The following TTC23 variants were observed in gnomAD, a reference collection of about 807,000 sequenced individuals.
TTC23 encodes tetratricopeptide repeat domain 23.
TTC23 carries 58 observed loss-of-function variants against 55.1 expected under a neutral mutation model. The observed-to-expected ratio is 1.05, with a 90% CI of 0.85 to 1.31. The LOEUF is 1.31. Among genes scored for constraint, TTC23 ranks in the 50% most tolerant of loss-of-function variants. The pLI, the probability that TTC23 is intolerant of heterozygous loss-of-function variation, is 0.00. For missense variants in TTC23, 516 were observed against 534.4 expected, an observed-to-expected ratio of 0.97 and a Z score of 0.34; for synonymous variants, 203 against 199.9, an observed-to-expected ratio of 1.02 and a Z score of -0.13.
chr15:99,240,212 C>T (rs550781522), intron 3 of TTC23, among the ~76,000 whole-genome samples: 2 of 152,306 alleles, frequency 1.3e-5, no homozygotes, highest in African/African-American at 4.8e-5. Context: ...GTAAGAGGCC[C>T]TGCAGTATTT....
At chr15:99,214,852 C>CTTTTTTTT in intron 8 of TTC23, among the ~76,000 whole-genome samples, 1 of 99,876 alleles carries the variant, frequency 1.0e-5, no homozygotes, top group Non-Finnish European at 1.9e-5. Context: ...TTCTTTTCTC[C>CTTTTTTTT]TTTTTTTTTT....
intron 9 of TTC23, among the ~76,000 whole-genome samples, chr15:99,198,375 C>T (rs1238560940): frequency 1.3e-5 from 2 of 152,208 alleles, no homozygotes; most frequent in African/African-American, 4.8e-5. Flanking sequence ...CTTTCCCCCA[C>T]ATCCAATCAA....
intron 12 of TTC23, among the ~76,000 whole-genome samples, chr15:99,152,240 G>GT (rs201002530): frequency 0.01 from 1,591 of 152,260 alleles, 29 homozygotes; most frequent in African/African-American, 0.037. Flanking sequence ...GCCTTCTGCC[G>GT]TAAGTAAAAG....
intron 3 of TTC23, among the ~76,000 whole-genome samples, chr15:99,237,170 C>T (rs564975428): frequency 5.3e-5 from 8 of 151,900 alleles, no homozygotes; most frequent in East Asian, 1.9e-4. Flanking sequence ...TTAGTAGAGA[C>T]GGGGTTTCAC....
At chr15:99,227,034 C>G (rs1223955) in intron 5 of TTC23, among the ~76,000 whole-genome samples, 2,297 of 152,276 alleles carry the variant, frequency 0.015, 48 homozygotes, top group African/African-American at 0.052. Context: ...TTGTTAAATG[C>G]CTTTGGGCAT....
intron 12 of TTC23, among the ~76,000 whole-genome samples, chr15:99,147,280 C>T (rs1555494171): frequency 1.4e-5 from 2 of 140,584 alleles, no homozygotes; most frequent in African/African-American, 2.7e-5. Context: ...GGCTGGAGTG[C>T]AGCGGCGCGA....
At chr15:99,186,523 CT>C (rs1458478754) in intron 9 of TTC23, among the ~76,000 whole-genome samples, 1 of 152,098 alleles carries the variant, frequency 6.6e-6, no homozygotes, top group Non-Finnish European at 1.5e-5. Flanking sequence ...ATCCTTCTAA[CT>C]TAGGGCCACA....
At chr15:99,146,972 C>T (rs552576837) in intron 12 of TTC23, among the ~76,000 whole-genome samples, 57 of 151,662 alleles carry the variant, frequency 3.8e-4, no homozygotes, top group East Asian at 2.7e-3. Flanking sequence ...TGGAGTGCAG[C>T]GGTGTGGTCA....
intron 8 of TTC23, among the ~76,000 whole-genome samples, chr15:99,207,746 G>C (rs1247479437): frequency 6.6e-6 from 1 of 152,174 alleles, no homozygotes; most frequent in Non-Finnish European, 1.5e-5. Flanking sequence ...GACAGAGGGA[G>C]ACTCTGTCTT....
chr15:99,246,787 G>A (rs60531793), intron 1 of TTC23, among the ~76,000 whole-genome samples: 5,167 of 152,124 alleles, frequency 0.034, 300 homozygotes, highest in African/African-American at 0.12. Flanking sequence ...GGGCGTGGTC[G>A]TGGGCACCTG....
chr15:99,149,806 T>C, intron 12 of TTC23, among the ~76,000 whole-genome samples: 1 of 152,194 alleles, frequency 6.6e-6, no homozygotes, highest in African/African-American at 2.4e-5. Context: ...CTGGCAGCAG[T>C]GAGTGTACGG....
intron 9 of TTC23, among the ~76,000 whole-genome samples, chr15:99,196,527 A>T (rs1325355178): frequency 3.3e-5 from 5 of 152,224 alleles, no homozygotes; most frequent in African/African-American, 9.6e-5. Context: ...TGAGCCACAC[A>T]GCGACCTAGG....
intron 5 of TTC23, among the ~76,000 whole-genome samples, chr15:99,222,265 G>T (rs970458692): frequency 6.6e-6 from 1 of 152,154 alleles, no homozygotes; most frequent in Non-Finnish European, 1.5e-5. Context: ...CTTTGTGTGT[G>T]TGTGTATGTG....
intron 7 of TTC23, 49 bp downstream of exon 7, chr15:99,218,849 G>T (rs1220856400): frequency 1.9e-6 from 3 of 1,600,004 alleles, no homozygotes; most frequent in Non-Finnish European, 2.6e-6. Context: ...GCGTGTAAGT[G>T]TTACGTGAAT....
intron 2 of TTC23, 28 bp downstream of exon 2, chr15:99,245,361 A>C (rs1277218319): frequency 6.6e-6 from 1 of 152,122 alleles, no homozygotes; most frequent in Non-Finnish European, 1.5e-5. Context: ...GAAATACAAA[A>C]AATTTAGCCA....
chr15:99,161,986 A>G (rs746606052), intron 10 of TTC23, 119 bp from the exon 11 acceptor site: 138 of 1,045,116 alleles, frequency 1.3e-4, no homozygotes, highest in Middle Eastern at 3.1e-4. Context: ...ACAAGAAAAA[A>G]CAGTTAAGAC....
At chr15:99,191,682 C>T (rs1453881808) in intron 9 of TTC23, among the ~76,000 whole-genome samples, 1 of 152,172 alleles carries the variant, frequency 6.6e-6, no homozygotes, top group Non-Finnish European at 1.5e-5. Flanking sequence ...CTGTAAATTG[C>T]CCAGTCTCAG....
chr15:99,214,495 G>A (rs1462486232), intron 8 of TTC23, among the ~76,000 whole-genome samples: 7 of 109,468 alleles, frequency 6.4e-5, no homozygotes, highest in Non-Finnish European at 1.2e-4. Context: ...GTGACAGAGT[G>A]AGACTGCATC....
Position 99,221,880 on chromosome 15 carries a change from AACAGGCTT to A in TTC23, c.181-24_181-17del. 6.2e-7 allele frequency: 1 copy of A among 1,612,828 alleles called. No homozygotes were observed. The highest frequency in any genetic ancestry group is 8.5e-7 in the Non-Finnish European group (1 of 1,179,292). On this transcript the variant is annotated splice_polypyrimidine_tract_variant and intron_variant, in intron 5 of 13. Coordinates refer to ENST00000394132, the MANE Select transcript of TTC23 (RefSeq NM_001288615.3). ...CCTGTTTGTACTGTTAGGAAGAGAA[AACAGGCTT>A]ACCAGTTATACAACTTAAGAGTCAC...
Sources: gnomAD v4.1 joint callset for allele counts (sites outside exome capture counted in the v4.1 genomes callset) on GRCh38, gnomAD v4.1.1 for gene constraint, MANE v1.5 for transcripts, NCBI Gene and HGNC (gene_info 2026-07-23, HGNC 2026-07-21) for gene names.